The following LRRIQ1 variants were observed in gnomAD, a reference collection of about 807,000 sequenced individuals.
The protein encoded by LRRIQ1 is leucine-rich repeat- and IQ domain-containing protein 1.
LRRIQ1 carries 210 observed loss-of-function variants against 211.9 expected under a neutral mutation model. The observed-to-expected ratio is 0.99, with a 90% CI of 0.89 to 1.11. The LOEUF (loss-of-function observed/expected upper bound fraction) is 1.11, where lower values mean the gene tolerates loss of function less well. Among genes scored for constraint, LRRIQ1 ranks in the 50% most tolerant of loss-of-function variants. The pLI, the probability that LRRIQ1 is intolerant of heterozygous loss-of-function variation, is 0.00. For missense variants in LRRIQ1, 2,136 were observed against 1,939.5 expected, an observed-to-expected ratio of 1.10 and a Z score of -1.90; for synonymous variants, 699 against 650.1, an observed-to-expected ratio of 1.08 and a Z score of -1.14.
chr12:85,223,127 G>T (rs1894479613), intron 24 of LRRIQ1, among the ~76,000 whole-genome samples: 1 of 152,146 alleles, frequency 6.6e-6, no homozygotes, highest in African/African-American at 2.4e-5. Flanking sequence ...TGAAGTTCAG[G>T]TGGAAATATG....
chr12:85,045,999 G>T, intron 4 of LRRIQ1, 21 bp from the exon 5 acceptor site: 1 of 1,335,828 alleles, frequency 7.5e-7, no homozygotes, highest in Non-Finnish European at 1.1e-6. Flanking sequence ...TTTAATCATT[G>T]GTACTCATTT....
chr12:85,148,482 A>G (rs892647268), intron 19 of LRRIQ1, among the ~76,000 whole-genome samples: 12 of 151,844 alleles, frequency 7.9e-5, no homozygotes, highest in African/African-American at 2.4e-4. Flanking sequence ...ACATGATCTC[A>G]TTCCTTTTTA....
chr12:85,082,390 A>T (rs1462967674), intron 11 of LRRIQ1, among the ~76,000 whole-genome samples: 1 of 151,858 alleles, frequency 6.6e-6, no homozygotes, highest in Non-Finnish European at 1.5e-5. Flanking sequence ...TTTGTTTTTG[A>T]TTCATCCTGT....
intron 23 of LRRIQ1, 98 bp from the exon 24 acceptor site, chr12:85,160,515 A>ATT: frequency 8.0e-6 from 5 of 625,676 alleles, no homozygotes; most frequent in Admixed American, 2.7e-5. Flanking sequence ...TATAAAGTGG[A>ATT]TTTTTTTTTT....
chr12:85,163,308 G>GA (rs1359346468), intron 24 of LRRIQ1, among the ~76,000 whole-genome samples: 2 of 151,550 alleles, frequency 1.3e-5, no homozygotes, highest in Non-Finnish European at 1.5e-5. Flanking sequence ...TATTCCTTAA[G>GA]AAAAAAAATC....
chr12:85,133,778 G>C (rs1888937534), intron 18 of LRRIQ1, among the ~76,000 whole-genome samples: 2 of 152,106 alleles, frequency 1.3e-5, no homozygotes, highest in Non-Finnish European at 2.9e-5. Context: ...CTAGAAGCCT[G>C]AGCTTCTCAC....
rs1422244653 is a variant in LRRIQ1, at chr12:85,193,213, G to A, written c.4822+32499G>A. On this transcript the variant is annotated intron_variant, in intron 24 of 26. Transcript: ENST00000393217. ...ACATCTGATTGGTGTACCTGAAAGTGATGGGGAGAATGGAACCAAGTTGGA... is the reference window on the plus strand; with the variant it reads ...ACATCTGATTGGTGTACCTGAAAGTAATGGGGAGAATGGAACCAAGTTGGA... 3.1e-5 allele frequency among the ~76,000 whole-genome samples: 4 copies of A among 129,574 alleles called. No individual in the cohort carries two copies. In the South Asian group the frequency reaches 6.7e-4, roughly 22 times the overall value. 85.0% of individuals were successfully genotyped at this position (129,574 alleles called of 152,430 possible).
chr12:85,137,682 G>A (rs754277202), intron 18 of LRRIQ1, among the ~76,000 whole-genome samples, 168 bp from the exon 19 acceptor site: 3 of 151,518 alleles, frequency 2.0e-5, no homozygotes, highest in South Asian at 2.1e-4. Context: ...ACATGTCGTC[G>A]TTTAATTTAT....
At chr12:85,072,408 AAAGAGTTT>A (rs1339503413) in intron 10 of LRRIQ1, among the ~76,000 whole-genome samples, 1 of 151,984 alleles carries the variant, frequency 6.6e-6, no homozygotes, top group Non-Finnish European at 1.5e-5. Flanking sequence ...TTATTGGGAT[AAAGAGTTT>A]ATTTTGCATG....
In LRRIQ1 at chr12:85,056,200, A is replaced by G. The variant is rs1424875032; in HGVS notation, c.1407A>G (p.Ile469Met). Reference protein sequence around the residue: ...ESIQVKLKESISSQTILADFK... With the variant: ...ESIQVKLKESMSSQTILADFK... The stretch of plus-strand genomic sequence containing the variant: ...TACAAGTAAAGTTAAAAGAATCTAT[A>G]TCAAGCCAAACAATTCTGGCAGATT... Residue 469 changes from isoleucine to methionine, a missense_variant, in exon 8 of 27, where the codon ATA becomes ATG. Ile to Met is a conservative substitution (Grantham distance 10). Transcript: ENST00000393217. 41 of 1,574,020 alleles carry G rather than the reference A, an allele frequency of 2.6e-5. No individual in the cohort carries two copies. The highest frequency in any genetic ancestry group is 3.4e-5 in the Non-Finnish European group (40 of 1,169,102).
intron 2 of LRRIQ1, 131 bp downstream of exon 2, chr12:85,038,439 T>C (rs568694832): frequency 2.4e-6 from 1 of 416,484 alleles, no homozygotes; most frequent in African/African-American, 2.1e-5. Flanking sequence ...AAATATAAAT[T>C]ATATTGAATA....
At chr12:85,114,953 TC>T (rs1445947914) in intron 15 of LRRIQ1, among the ~76,000 whole-genome samples, 1 of 152,160 alleles carries the variant, frequency 6.6e-6, no homozygotes, top group African/African-American at 2.4e-5. Context: ...TTATAAATTT[TC>T]CCAACTGGCT....
At chr12:85,144,451 T>G (rs886944345) in intron 19 of LRRIQ1, among the ~76,000 whole-genome samples, 4 of 151,550 alleles carry the variant, frequency 2.6e-5, no homozygotes, top group South Asian at 2.1e-4. Context: ...AGTGTTTAAT[T>G]GGTTGATCAA....
At chr12:85,209,042 A>G (rs1893704964) in intron 24 of LRRIQ1, among the ~76,000 whole-genome samples, 1 of 152,158 alleles carries the variant, frequency 6.6e-6, no homozygotes, top group African/African-American at 2.4e-5. Flanking sequence ...CAACATAGTG[A>G]AAAAGGGACC....
chr12:85,086,390 G>A (rs1381408608), intron 11 of LRRIQ1, among the ~76,000 whole-genome samples: 1 of 151,928 alleles, frequency 6.6e-6, no homozygotes, highest in Non-Finnish European at 1.5e-5. Context: ...GAGGTCTGGT[G>A]GTTTAAAAGT....
chr12:85,243,905 A>T (rs977610073), intron 26 of LRRIQ1, among the ~76,000 whole-genome samples: 2 of 151,448 alleles, frequency 1.3e-5, no homozygotes, highest in Non-Finnish European at 1.5e-5. Context: ...TGGTGGTTTT[A>T]TGCTTTTATT....
In LRRIQ1 at chr12:85,229,599, T is replaced by TCA; in HGVS notation, c.4912_4913dup (p.Gln1638HisfsTer14). The TCA allele has an allele frequency of 1.2e-6, 2 of 1,613,088 alleles. No homozygotes were observed. The highest frequency in any genetic ancestry group is 1.7e-6 in the Non-Finnish European group (2 of 1,179,528). The stretch of plus-strand genomic sequence containing the variant: ...ATAGAGAATATACATACCAATGGCT[T>TCA]CACACACAGGTTGGGGTTCATGAAA... On this transcript the variant is annotated frameshift_variant, in exon 25 of 27. Transcript: ENST00000393217. LOFTEE classifies it high-confidence loss of function.
intron 17 of LRRIQ1, 125 bp downstream of exon 17, chr12:85,124,644 CCATTATGTTTTCGTGAGGTG>C (rs1888240474): frequency 1.3e-6 from 1 of 747,616 alleles, no homozygotes; most frequent in African/African-American, 1.8e-5. Context: ...CATACCGATT[CCATTATGTTTTCGTGAGGTG>C]CATTATGTTT....
chr12:85,038,345 G>C, intron 2 of LRRIQ1, 37 bp downstream of exon 2: 1 of 1,391,240 alleles, frequency 7.2e-7, no homozygotes, highest in Non-Finnish European at 9.4e-7. Context: ...AACAGGAGTA[G>C]GCTTTTCAGG....
Sources: gnomAD v4.1 joint callset for allele counts (sites outside exome capture counted in the v4.1 genomes callset) on GRCh38, gnomAD v4.1.1 for gene constraint, MANE v1.5 for transcripts, NCBI Gene and HGNC (gene_info 2026-07-23, HGNC 2026-07-21) for gene names.